Variants in SUPT3H observed in about 807,000 individuals in gnomAD.
The protein encoded by SUPT3H is SPT3 homolog, SAGA and STAGA complex component, also known as transcription initiation protein SPT3 homolog.
In SUPT3H, 44 loss-of-function variants were observed where a neutral mutation model predicts 44.3. That is an observed-to-expected ratio of 0.99 (90% CI 0.78 to 1.28). The LOEUF is 1.28. SUPT3H is among the 50% of genes most tolerant of loss of function. The pLI is 0.00. For missense variants in SUPT3H, 380 were observed against 387.1 expected (o/e 0.98, Z 0.15); for synonymous variants, 124 against 125.6 (o/e 0.99, Z 0.09).
intron 2 of SUPT3H, among the ~76,000 whole-genome samples, chr6:45,218,458 G>C (rs534789106): frequency 6.6e-6 from 1 of 152,204 alleles, no homozygotes. Context: ...GGCCGGGTAC[G>C]GTGGCTCACG....
chr6:45,004,434 T>C (rs1782426642), intron 5 of SUPT3H, among the ~76,000 whole-genome samples: 2 of 152,056 alleles, frequency 1.3e-5, no homozygotes, highest in African/African-American at 2.4e-5. Flanking sequence ...AAAAAATATA[T>C]ATCTCTAAGC....
At chr6:44,893,317 G>A (rs1340668557) in intron 10 of SUPT3H, among the ~76,000 whole-genome samples, 1 of 152,080 alleles carries the variant, frequency 6.6e-6, no homozygotes, top group Non-Finnish European at 1.5e-5. Context: ...ATGCTGGTGC[G>A]CTGCACCCAC....
chr6:44,977,750 A>G (rs930541344), intron 6 of SUPT3H, among the ~76,000 whole-genome samples: 7 of 152,296 alleles, frequency 4.6e-5, no homozygotes, highest in African/African-American at 1.2e-4. Context: ...AAAATTTTCT[A>G]TCTGATCAAG....
intron 3 of SUPT3H, among the ~76,000 whole-genome samples, chr6:45,087,414 A>G (rs951682975): frequency 6.6e-6 from 1 of 151,860 alleles, no homozygotes; most frequent in Admixed American, 6.6e-5. Context: ...AGTACCTAGA[A>G]TTTTTCTAAA....
rs529656872 is a variant in SUPT3H at position 45,199,113 on chromosome 6, T to C, written c.102-93107A>G. On this transcript the variant is annotated intron_variant, in intron 2 of 10. Transcript: ENST00000371459. ...TTAAAATTAGAAATGCATACAATTT[T>C]ATATTTCAAAATGTATTAACTCAAA... 7.9e-5 allele frequency among the ~76,000 whole-genome samples: 12 copies of C among 151,466 alleles called. No homozygotes were observed. The South Asian group carries it at 2.5e-3, about 31-fold the overall frequency.
intron 2 of SUPT3H, among the ~76,000 whole-genome samples, chr6:45,297,579 AT>A (rs1365883616): frequency 6.6e-6 from 1 of 152,230 alleles, no homozygotes; most frequent in Non-Finnish European, 1.5e-5. Flanking sequence ...TAACACATTT[AT>A]TTTAAATCTG....
intron 2 of SUPT3H, among the ~76,000 whole-genome samples, chr6:45,249,547 G>T (rs973059929): frequency 1.3e-5 from 2 of 152,046 alleles, no homozygotes; most frequent in African/African-American, 4.8e-5. Flanking sequence ...CCTAAGCCCA[G>T]GGGGATTAAC....
chr6:45,321,910 T>C, intron 2 of SUPT3H: 1 of 1,382,094 alleles, frequency 7.2e-7, no homozygotes, highest in South Asian at 1.3e-5. Flanking sequence ...AAAATTGTAA[T>C]CTCACCTTAG....
intron 2 of SUPT3H, among the ~76,000 whole-genome samples, chr6:45,311,575 T>TA (rs2149990411): frequency 6.6e-6 from 1 of 152,284 alleles, no homozygotes; most frequent in South Asian, 2.1e-4. Context: ...AAGTACCAGG[T>TA]AACCTATAAA....
At chr6:44,982,199 T>C (rs1031022588) in intron 6 of SUPT3H, among the ~76,000 whole-genome samples, 28 of 152,162 alleles carry the variant, frequency 1.8e-4, no homozygotes, top group Non-Finnish European at 3.8e-4. Context: ...TGTTTGTTTG[T>C]TTGTTTGAGA....
intron 3 of SUPT3H, among the ~76,000 whole-genome samples, chr6:45,049,047 A>G (rs946788790): frequency 1.3e-5 from 2 of 152,136 alleles, no homozygotes; most frequent in African/African-American, 2.4e-5. Context: ...CTCACTACAA[A>G]AAAATTAATA....
intron 6 of SUPT3H, among the ~76,000 whole-genome samples, chr6:44,985,845 C>T (rs372932975): frequency 1.3e-5 from 2 of 152,062 alleles, no homozygotes; most frequent in African/African-American, 4.8e-5. Flanking sequence ...CTTTAAAGTC[C>T]CTCTTAGCTA....
At chr6:44,971,769 T>C (rs1043352404) in intron 6 of SUPT3H, among the ~76,000 whole-genome samples, 1 of 150,688 alleles carries the variant, frequency 6.6e-6, no homozygotes, top group Non-Finnish European at 1.5e-5. Flanking sequence ...CCAAAGTCTT[T>C]TTTGCCTGTT....
At chr6:44,997,733 C>T (rs2153502625) in intron 6 of SUPT3H, among the ~76,000 whole-genome samples, 1 of 151,700 alleles carries the variant, frequency 6.6e-6, no homozygotes, top group Admixed American at 6.6e-5. Context: ...TTTGACAGAA[C>T]TCTTAATATT....
chr6:44,829,862 C>CAAAG lies in SUPT3H; in HGVS notation c.913-9_913-6dup, dbSNP rs1262073510. On this transcript the variant is annotated splice_region_variant and splice_polypyrimidine_tract_variant and intron_variant, in intron 10 of 10. Transcript: ENST00000371459. ...CCCATTCCTGCGGTAGGCATTCTGT[C>CAAAG]AAAGAAAAAGAAATCTGCAATGAAT... The CAAAG allele has an allele frequency of 6.2e-7, 1 of 1,612,728 alleles. No homozygotes were observed. The highest frequency in any genetic ancestry group is 8.5e-7 in the Non-Finnish European group (1 of 1,179,014).
At chr6:45,348,929 C>T (rs1791476723) in intron 2 of SUPT3H, among the ~76,000 whole-genome samples, 2 of 152,146 alleles carry the variant, frequency 1.3e-5, no homozygotes, top group African/African-American at 2.4e-5. Flanking sequence ...GAGTCCTTAT[C>T]ACAATTTATA....
At chr6:45,030,676 A>G (rs1786776073) in intron 3 of SUPT3H, among the ~76,000 whole-genome samples, 1 of 152,204 alleles carries the variant, frequency 6.6e-6, no homozygotes, top group Non-Finnish European at 1.5e-5. Context: ...AAAAGTTACC[A>G]AATGGAAAGA....
chr6:45,175,856 T>TA (rs1169464229), intron 2 of SUPT3H, among the ~76,000 whole-genome samples: 1 of 152,226 alleles, frequency 6.6e-6, no homozygotes, highest in African/African-American at 2.4e-5. Flanking sequence ...TCATTATAGA[T>TA]ACCAGTTATT....
chr6:45,105,887 G>C (rs1293757470), intron 3 of SUPT3H, 35 bp downstream of exon 3: 1 of 1,518,706 alleles, frequency 6.6e-7, no homozygotes, highest in Non-Finnish European at 9.1e-7. Context: ...AGAATGCAGA[G>C]AAGAGAAACC....
Sources: gnomAD v4.1 joint callset for allele counts (sites outside exome capture counted in the v4.1 genomes callset) on GRCh38, gnomAD v4.1.1 for gene constraint, MANE v1.5 for transcripts, NCBI Gene and HGNC (gene_info 2026-07-23, HGNC 2026-07-21) for gene names.